Variants in PDE6A observed in about 807,000 individuals in gnomAD.
The protein encoded by PDE6A is phosphodiesterase 6A, also known as rod cGMP-specific 3',5'-cyclic phosphodiesterase subunit alpha.
A neutral mutation model predicts 106.3 loss-of-function variants in PDE6A; 84 were observed. The observed-to-expected ratio is 0.79, with a 90% confidence interval of 0.66 to 0.95. The LOEUF (loss-of-function observed/expected upper bound fraction) is 0.95, where lower values mean the gene tolerates loss of function less well. Among genes scored for constraint, PDE6A ranks in the 40% least tolerant of loss-of-function variants. The pLI is 0.00. For missense variants in PDE6A, 1,052 were observed against 1,084.9 expected (o/e 0.97, Z 0.43); for synonymous variants, 394 against 386.6 (o/e 1.02, Z -0.23).
At chr5:149,943,396 G>A (rs1207520565) in intron 1 of PDE6A, among the ~76,000 whole-genome samples, 1 of 152,158 alleles carries the variant, frequency 6.6e-6, no homozygotes, top group Non-Finnish European at 1.5e-5. Flanking sequence ...GAACAAAATG[G>A]AGTTTCTTAT....
intron 7 of PDE6A, 126 bp downstream of exon 7, chr5:149,907,186 A>C: frequency 1.2e-6 from 1 of 806,478 alleles, no homozygotes; most frequent in Non-Finnish European, 2.2e-6. Context: ...GAGAGAAACA[A>C]GAGAATTAGG....
At chr5:149,884,726 A>G in intron 15 of PDE6A, 54 bp downstream of exon 15, 1 of 1,543,066 alleles carries the variant, frequency 6.5e-7, no homozygotes, top group Non-Finnish European at 9.0e-7. Flanking sequence ...TCCTTGTGAA[A>G]TAGAGCCTCT....
At chr5:149,923,789 C>T (rs1753800984) in intron 4 of PDE6A, among the ~76,000 whole-genome samples, 1 of 152,150 alleles carries the variant, frequency 6.6e-6, no homozygotes. Context: ...GGGCTTCCAT[C>T]CTCCAGTGCC....
Position 149,868,220 on chromosome 5 carries a change from T to C in PDE6A, c.2136-62A>G, listed in dbSNP as rs150486819. On this transcript the variant is annotated intron_variant, in intron 17 of 21. Transcript: ENST00000255266. ...ATTTAAGACTTCATGTACTGGTTAA[T>C]TCCATCTCTCTCACCTTTCTCCACC... 14 of 1,496,630 alleles carry C rather than the reference T, an allele frequency of 9.4e-6. No homozygotes were observed. In the African/African-American group the frequency reaches 1.8e-4, roughly 19 times the overall value. The allele number at this position is 1,496,630 out of a possible 1,614,324, so 92.7% of individuals were successfully genotyped here.
chr5:149,862,874 G>A (rs555773681), intron 21 of PDE6A, among the ~76,000 whole-genome samples: 4 of 152,308 alleles, frequency 2.6e-5, no homozygotes, highest in African/African-American at 9.6e-5. Flanking sequence ...TGCTATGTTG[G>A]TTGCCGGGGC....
At chr5:149,907,417 G>GGGAT in intron 6 of PDE6A, 39 bp from the exon 7 acceptor site, 1 of 1,545,726 alleles carries the variant, frequency 6.5e-7, no homozygotes, top group East Asian at 2.2e-5. Context: ...TCTCAGTGCA[G>GGGAT]GGATTGCTGG....
intron 1 of PDE6A, among the ~76,000 whole-genome samples, chr5:149,940,505 C>CT (rs56930344): frequency 1.6e-3 from 223 of 141,986 alleles, no homozygotes; most frequent in Admixed American, 1.9e-3. Flanking sequence ...TGTTTGAATC[C>CT]TTTTTTTTTT....
At chr5:149,884,288 G>A (rs939360527) in intron 16 of PDE6A, among the ~76,000 whole-genome samples, 191 bp downstream of exon 16, 22 of 137,900 alleles carry the variant, frequency 1.6e-4, no homozygotes, top group African/African-American at 5.8e-4. Context: ...GTGTATATAT[G>A]TGTATATATG....
chr5:149,944,174 C>G, intron 1 of PDE6A, 26 bp downstream of exon 1: 1 of 1,557,014 alleles, frequency 6.4e-7, no homozygotes, highest in Non-Finnish European at 8.9e-7. Context: ...TGCCCCATGC[C>G]CTCTCTCTCA....
intron 17 of PDE6A, among the ~76,000 whole-genome samples, chr5:149,871,159 G>T (rs189095608): frequency 1.3e-5 from 2 of 152,238 alleles, no homozygotes; most frequent in East Asian, 3.9e-4. Flanking sequence ...GTGGGGTGCT[G>T]AGGTTTAGAT....
chr5:149,908,491 A>G (rs779185901), intron 6 of PDE6A, among the ~76,000 whole-genome samples: 2 of 152,202 alleles, frequency 1.3e-5, no homozygotes, highest in African/African-American at 2.4e-5. Flanking sequence ...TCAGACTTTT[A>G]AATGACAGTC....
intron 17 of PDE6A, among the ~76,000 whole-genome samples, chr5:149,871,470 A>G: frequency 6.6e-6 from 1 of 152,088 alleles, no homozygotes; most frequent in East Asian, 1.9e-4. Context: ...TCTGGAGCTG[A>G]TAACTGTAGG....
At chr5:149,874,770 A>G (rs1031109943) in intron 17 of PDE6A, among the ~76,000 whole-genome samples, 7 of 152,122 alleles carry the variant, frequency 4.6e-5, no homozygotes, top group African/African-American at 1.7e-4. Context: ...AGATGCTCCT[A>G]TCACTCAGGA....
chr5:149,865,691 C>T (rs1760307069), intron 20 of PDE6A, among the ~76,000 whole-genome samples: 1 of 152,180 alleles, frequency 6.6e-6, no homozygotes, highest in African/African-American at 2.4e-5. Flanking sequence ...CTTTTGTCTT[C>T]TCATGTGTAA....
intron 13 of PDE6A, among the ~76,000 whole-genome samples, chr5:149,891,232 G>A (rs1305864789): frequency 6.6e-6 from 1 of 152,214 alleles, no homozygotes; most frequent in Non-Finnish European, 1.5e-5. Context: ...CCCTTTGGGA[G>A]GCCGAGGTGG....
At chr5:149,902,072 T>C (rs1373135529) in intron 8 of PDE6A, among the ~76,000 whole-genome samples, 2 of 152,138 alleles carry the variant, frequency 1.3e-5, no homozygotes, top group African/African-American at 2.4e-5. Context: ...TAATAAAAGA[T>C]GACATAAGGA....
At chr5:149,891,412 G>C (rs1189659826) in intron 13 of PDE6A, among the ~76,000 whole-genome samples, 1 of 152,232 alleles carries the variant, frequency 6.6e-6, no homozygotes, top group African/African-American at 2.4e-5. Flanking sequence ...GGAGGTTGCA[G>C]TGAGCCGAGA....
At chr5:149,880,913 T>A (rs1760897721) in intron 17 of PDE6A, among the ~76,000 whole-genome samples, 1 of 150,866 alleles carries the variant, frequency 6.6e-6, no homozygotes, top group Non-Finnish European at 1.5e-5. Context: ...TACAAAAAAA[T>A]TTAGCTGGGA....
At chr5:149,870,946 GAGAAAAGAAA>G (rs146653924) in intron 17 of PDE6A, among the ~76,000 whole-genome samples, 2 of 147,790 alleles carry the variant, frequency 1.4e-5, no homozygotes, top group Non-Finnish European at 3.0e-5. Flanking sequence ...GAGAAGAGAA[GAGAAAAGAAA>G]AGAAAAGAAA....
Sources: allele counts gnomAD v4.1 joint callset (sites outside exome capture counted in the v4.1 genomes callset), GRCh38; gene constraint gnomAD v4.1.1; transcripts MANE v1.5; gene names NCBI Gene and HGNC (gene_info 2026-07-23, HGNC 2026-07-21).